Variants in HS3ST5 observed in about 807,000 individuals in gnomAD.
The protein encoded by HS3ST5 is heparan sulfate glucosamine 3-O-sulfotransferase 5.
Under a neutral mutation model 25.4 loss-of-function variants are expected in HS3ST5, and 10 were observed. That is an observed-to-expected ratio of 0.39 (90% CI 0.24 to 0.67). The LOEUF is 0.67. HS3ST5 is among the 30% of genes least tolerant of loss of function. The probability of loss-of-function intolerance (pLI) is 0.44; values close to 1 mark genes in which losing one functional copy is unlikely to be tolerated. For synonymous variants in HS3ST5, 170 were observed against 162.4 expected (o/e 1.05, Z -0.36); for missense variants, 324 against 420.7 (o/e 0.77, Z 2.01).
At chr6:114,212,366 T>C (rs1781543995) in intron 2 of HS3ST5, among the ~76,000 whole-genome samples, 1 of 152,222 alleles carries the variant, frequency 6.6e-6, no homozygotes, top group South Asian at 2.1e-4. Flanking sequence ...TGATGTTTCA[T>C]TGCTCTTTTC....
chr6:114,212,139 C>A (rs1288825733), intron 2 of HS3ST5, among the ~76,000 whole-genome samples: 1 of 152,200 alleles, frequency 6.6e-6, no homozygotes, highest in Non-Finnish European at 1.5e-5. Flanking sequence ...CACTTATAAC[C>A]AGGCTCCTTA....
chr6:114,198,194 C>T (rs2114349117), intron 2 of HS3ST5, among the ~76,000 whole-genome samples: 1 of 151,940 alleles, frequency 6.6e-6, no homozygotes, highest in Admixed American at 6.6e-5. Flanking sequence ...AATTTCAGAG[C>T]TCAAAGACTG....
At chr6:114,154,144 A>G (rs1218481657) in intron 3 of HS3ST5, among the ~76,000 whole-genome samples, 1 of 152,146 alleles carries the variant, frequency 6.6e-6, no homozygotes, top group African/African-American at 2.4e-5. Context: ...AAGGGAAAGG[A>G]GATGTCTGAG....
In HS3ST5 at chr6:114,342,664, C is replaced by G. The variant is rs1776938352; in HGVS notation, c.-808G>C. The G allele has an allele frequency of 6.6e-6, 1 of 152,648 alleles. No homozygotes were observed. Among genetic ancestry groups the G allele is most frequent in the Admixed American group, 6.5e-5 (1 of 15,284 alleles). The allele number at this position is 152,648 out of a possible 1,614,324, so 9.5% of individuals were successfully genotyped here. A position where few individuals can be genotyped will look rare whatever the true frequency, so the allele number is the denominator to read the frequency against. On this transcript the variant is annotated 5_prime_UTR_variant, in exon 1 of 5. Coordinates refer to ENST00000312719, the MANE Select transcript of HS3ST5 (RefSeq NM_153612.4). ...GGGGAGGTGCGCATCCTCCTTGCCC[C>G]ACGAGGGCACCGGCGCAGCCCCGGA...
chr6:114,106,562 G>A (rs1776003754), intron 3 of HS3ST5, among the ~76,000 whole-genome samples: 1 of 152,036 alleles, frequency 6.6e-6, no homozygotes. Context: ...TGCAGTACAT[G>A]AAAATAAGGT....
chr6:114,092,635 C>A (rs1370775309), intron 3 of HS3ST5, among the ~76,000 whole-genome samples: 1 of 151,080 alleles, frequency 6.6e-6, no homozygotes, highest in Non-Finnish European at 1.5e-5. Context: ...ATGTTGTATA[C>A]TTGCCAGATG....
intron 1 of HS3ST5, among the ~76,000 whole-genome samples, chr6:114,298,674 GGAA>G (rs1344268977): frequency 6.6e-6 from 1 of 152,224 alleles, no homozygotes; most frequent in Non-Finnish European, 1.5e-5. Flanking sequence ...CTGAAGCCAT[GGAA>G]GAAGAACGTG....
rs561949837 is a variant in HS3ST5, at chr6:114,151,532, T to C, written c.-33+16819A>G. Among the ~76,000 whole-genome samples, 33 of 152,336 alleles carry C rather than the reference T, an allele frequency of 2.2e-4. 1 individual carries two copies. In the East Asian group the frequency reaches 6.4e-3, roughly 29 times the overall value. ...GGTCTGCAGCTACCATCTGTGGGATTGAAACTAAATGCCTCTAAAAGAAAT... is the reference window on the plus strand; with the variant it reads ...GGTCTGCAGCTACCATCTGTGGGATCGAAACTAAATGCCTCTAAAAGAAAT... On this transcript the variant is annotated intron_variant, in intron 3 of 4. Transcript: ENST00000312719.
At chr6:114,078,593 A>G (rs773108780) in intron 3 of HS3ST5, among the ~76,000 whole-genome samples, 2 of 152,244 alleles carry the variant, frequency 1.3e-5, no homozygotes, top group Non-Finnish European at 2.9e-5. Context: ...CAACAAAAAT[A>G]TAAGAGACAC....
intron 3 of HS3ST5, among the ~76,000 whole-genome samples, chr6:114,140,105 G>C (rs1582643829): frequency 1.3e-5 from 2 of 152,182 alleles, no homozygotes; most frequent in African/African-American, 4.8e-5. Flanking sequence ...TGAGGAAAGA[G>C]TGATTTTCTT....
intron 3 of HS3ST5, among the ~76,000 whole-genome samples, chr6:114,110,196 A>G (rs1054131627): frequency 6.6e-6 from 1 of 152,140 alleles, no homozygotes; most frequent in African/African-American, 2.4e-5. Flanking sequence ...CTTCAAATTA[A>G]TCTGTCAAAA....
chr6:114,164,037 T>C lies in HS3ST5; in HGVS notation c.-33+4314A>G, dbSNP rs990332956. ...AGTGTCTGGCATACAGCTGGTACTT[T>C]ATTAAGAGCAGATATTATTATAATT... On this transcript the variant is annotated intron_variant, in intron 3 of 4. Coordinates refer to ENST00000312719, the MANE Select transcript of HS3ST5 (RefSeq NM_153612.4). 3.9e-5 allele frequency among the ~76,000 whole-genome samples: 6 copies of C among 152,162 alleles called. No individual in the cohort carries two copies. The East Asian group carries it at 1.2e-3, about 29-fold the overall frequency.
chr6:114,183,602 A>C (rs984518563), intron 2 of HS3ST5, among the ~76,000 whole-genome samples: 1 of 152,224 alleles, frequency 6.6e-6, no homozygotes. Context: ...GGTACCAAGA[A>C]GTGAAGTGCT....
chr6:114,284,039 TAATTGATCAGG>T (rs1774236117), intron 1 of HS3ST5, among the ~76,000 whole-genome samples: 1 of 151,982 alleles, frequency 6.6e-6, no homozygotes, highest in Non-Finnish European at 1.5e-5. Context: ...GTGTGCCTTG[TAATTGATCAGG>T]AATCTAATCT....
intron 1 of HS3ST5, among the ~76,000 whole-genome samples, chr6:114,293,123 G>A (rs1316650342): frequency 6.6e-6 from 1 of 152,060 alleles, no homozygotes; most frequent in Non-Finnish European, 1.5e-5. Flanking sequence ...CAACTCTTTG[G>A]AAGAGTAAGC....
chr6:114,215,230 C>T (rs1473276734), intron 2 of HS3ST5, among the ~76,000 whole-genome samples: 2 of 151,954 alleles, frequency 1.3e-5, no homozygotes, highest in African/African-American at 2.4e-5. Context: ...GGCATGAATC[C>T]GGGAGGCGGA....
At chr6:114,154,652 A>G (rs1159205278) in intron 3 of HS3ST5, among the ~76,000 whole-genome samples, 1 of 152,066 alleles carries the variant, frequency 6.6e-6, no homozygotes, top group Non-Finnish European at 1.5e-5. Flanking sequence ...GTCTCTTGCC[A>G]TTCTCCCTTC....
chr6:114,261,677 A>G (rs1486247020), intron 1 of HS3ST5, among the ~76,000 whole-genome samples: 3 of 152,232 alleles, frequency 2.0e-5, no homozygotes, highest in Non-Finnish European at 4.4e-5. Flanking sequence ...AGTATAGTTT[A>G]TTGCTAAATG....
chr6:114,311,469 A>T (rs1341879170), intron 1 of HS3ST5, among the ~76,000 whole-genome samples: 1 of 151,966 alleles, frequency 6.6e-6, no homozygotes, highest in East Asian at 1.9e-4. Context: ...TATTAAATAT[A>T]AAGCTATTTT....
Sources: gnomAD v4.1 joint callset for allele counts (sites outside exome capture counted in the v4.1 genomes callset) on GRCh38, gnomAD v4.1.1 for gene constraint, MANE v1.5 for transcripts, NCBI Gene and HGNC (gene_info 2026-07-23, HGNC 2026-07-21) for gene names.